Variants in PRPSAP1 observed in about 807,000 individuals in gnomAD.
PRPSAP1 encodes phosphoribosyl pyrophosphate synthase-associated protein 1.
A neutral mutation model predicts 39.4 loss-of-function variants in PRPSAP1; 31 were observed. The observed-to-expected ratio is 0.79, with a 90% CI of 0.59 to 1.06. The LOEUF (loss-of-function observed/expected upper bound fraction) is 1.06. Among genes scored for constraint, PRPSAP1 ranks in the 50% least tolerant of loss-of-function variants. The pLI is 0.00. For synonymous variants in PRPSAP1, 212 were observed against 192.6 expected, an observed-to-expected ratio of 1.10 and a Z score of -0.83; for missense variants, 430 against 511.6, an observed-to-expected ratio of 0.84 and a Z score of 1.54.
chr17:76,319,689 G>A (rs779360355), intron 7 of PRPSAP1, among the ~76,000 whole-genome samples: 28 of 151,798 alleles, frequency 1.8e-4, no homozygotes, highest in Non-Finnish European at 3.7e-4. Context: ...GGCTGACCTC[G>A]TGATTCGCCC....
intron 3 of PRPSAP1, among the ~76,000 whole-genome samples, chr17:76,344,199 C>T (rs1246750459): frequency 1.3e-5 from 2 of 152,210 alleles, no homozygotes; most frequent in African/African-American, 4.8e-5. Context: ...GCGATCTCGG[C>T]TCACTGCAAG....
chr17:76,339,690 G>A (rs950414805), intron 3 of PRPSAP1, among the ~76,000 whole-genome samples: 4 of 151,654 alleles, frequency 2.6e-5, no homozygotes, highest in Admixed American at 6.6e-5. Context: ...GTTTTCAGAA[G>A]TACCCATTTA....
At chr17:76,347,014 C>T (rs1188215037) in intron 2 of PRPSAP1, among the ~76,000 whole-genome samples, 1 of 152,076 alleles carries the variant, frequency 6.6e-6, no homozygotes, top group Non-Finnish European at 1.5e-5. Context: ...GCCAGCAAAC[C>T]CTCCGGGCCC....
chr17:76,348,696 CA>C, intron 1 of PRPSAP1, 115 bp from the exon 2 acceptor site: 8 of 764,102 alleles, frequency 1.0e-5, no homozygotes, highest in South Asian at 6.3e-5. Context: ...CCATTCTTTC[CA>C]AAAAATAATT....
chr17:76,328,065 T>A (rs750390473), intron 7 of PRPSAP1, among the ~76,000 whole-genome samples: 1 of 151,482 alleles, frequency 6.6e-6, no homozygotes, highest in Non-Finnish European at 1.5e-5. Flanking sequence ...GGCATGGTAG[T>A]GTACCCCTAC....
intron 7 of PRPSAP1, 30 bp downstream of exon 7, chr17:76,328,687 A>G (rs2071281047): frequency 1.3e-6 from 2 of 1,595,868 alleles, no homozygotes; most frequent in African/African-American, 1.4e-5. Context: ...TCAATTTACA[A>G]ATAAAATAAA....
At chr17:76,320,591 AT>A (rs34656314) in intron 7 of PRPSAP1, among the ~76,000 whole-genome samples, 251 of 139,038 alleles carry the variant, frequency 1.8e-3, no homozygotes, top group Non-Finnish European at 1.8e-3. Context: ...CGTCCAGCTA[AT>A]TTTTTTTTTT....
At chr17:76,329,685 G>C (rs1005500208) in intron 6 of PRPSAP1, among the ~76,000 whole-genome samples, 6 of 151,020 alleles carry the variant, frequency 4.0e-5, no homozygotes, top group East Asian at 2.0e-4. Flanking sequence ...GCAGTGAGCC[G>C]AGATCGCGCC....
upstream of PRPSAP1, chr17:76,354,122 T>G: frequency 9.9e-7 from 1 of 1,005,782 alleles, no homozygotes. Context: ...CCTACCTCGG[T>G]AGTGGCCCCA....
At chr17:76,313,426 GA>G in intron 8 of PRPSAP1, 8 of 240,746 alleles carry the variant, frequency 3.3e-5, no homozygotes, top group East Asian at 8.8e-5. Context: ...TTAGAGCTGG[GA>G]AAAAAAGTAT....
At chr17:76,333,112 T>G (rs1462993352) in intron 3 of PRPSAP1, among the ~76,000 whole-genome samples, 1 of 151,688 alleles carries the variant, frequency 6.6e-6, no homozygotes, top group Non-Finnish European at 1.5e-5. Context: ...AGGATGGTCT[T>G]CATCTCCTGA....
chr17:76,326,535 C>G (rs2071257807), intron 7 of PRPSAP1, among the ~76,000 whole-genome samples: 1 of 152,162 alleles, frequency 6.6e-6, no homozygotes. Flanking sequence ...TAACCTGAAT[C>G]TAATCCTGAG....
intron 8 of PRPSAP1, 54 bp from the exon 9 acceptor site, chr17:76,313,070 T>C (rs1598514725): frequency 6.3e-7 from 1 of 1,579,226 alleles, no homozygotes; most frequent in East Asian, 2.2e-5. Context: ...TAGCCCATAC[T>C]GTCAATGCAC....
chr17:76,313,625 C>A, intron 8 of PRPSAP1, 196 bp downstream of exon 8: 1 of 573,494 alleles, frequency 1.7e-6, no homozygotes. Context: ...GTGCTCATTT[C>A]CTATCTGTAG....
chr17:76,336,598 G>A (rs1025951492), intron 3 of PRPSAP1, among the ~76,000 whole-genome samples: 19 of 148,488 alleles, frequency 1.3e-4, no homozygotes, highest in African/African-American at 4.7e-4. Context: ...CAGGCATGGT[G>A]GTGCATGCCT....
chr17:76,318,692 T>C (rs421578), intron 7 of PRPSAP1, among the ~76,000 whole-genome samples: 21,919 of 152,082 alleles, frequency 0.14, 1,649 homozygotes, highest in South Asian at 0.2. Flanking sequence ...CTAAGCCTAT[T>C]AAAGAGAGTC....
At chr17:76,324,989 A>AC (rs2071238280) in intron 7 of PRPSAP1, among the ~76,000 whole-genome samples, 1 of 149,914 alleles carries the variant, frequency 6.7e-6, no homozygotes, top group Non-Finnish European at 1.5e-5. Context: ...AATGGTGTGA[A>AC]CCTGGGGGGT....
chr17:76,343,070 C>A (rs1263635770), intron 3 of PRPSAP1, among the ~76,000 whole-genome samples: 1 of 152,180 alleles, frequency 6.6e-6, no homozygotes, highest in Non-Finnish European at 1.5e-5. Flanking sequence ...GAGTGAGACT[C>A]CGTCTCAAAA....
intron 3 of PRPSAP1, among the ~76,000 whole-genome samples, chr17:76,333,974 G>C (rs424453): frequency 6.6e-6 from 1 of 151,890 alleles, no homozygotes; most frequent in Non-Finnish European, 1.5e-5. Flanking sequence ...CTGCAGCCTC[G>C]AACTCCCGGG....
Sources: allele counts gnomAD v4.1 joint callset (sites outside exome capture counted in the v4.1 genomes callset), GRCh38; gene constraint gnomAD v4.1.1; transcripts MANE v1.5; gene names NCBI Gene and HGNC (gene_info 2026-07-23, HGNC 2026-07-21).